The following POTEB variants were observed in gnomAD, a reference collection of about 807,000 sequenced individuals.
The protein encoded by POTEB is ANKRD26-like family B, member 1.
intron 10 of POTEB, among the ~76,000 whole-genome samples, chr15:21,847,158 G>A (rs1469770915): frequency 0.094 from 11,912 of 127,018 alleles, 126 homozygotes; most frequent in African/African-American, 0.14. Context: ...TTAAGATCAC[G>A]ATTCTTAAAA....
chr15:21,862,340 T>G, intron 6 of POTEB: 1 of 28,782 alleles, frequency 3.5e-5, no homozygotes, highest in African/African-American at 6.1e-5. Flanking sequence ...GGCCAACACA[T>G]TAAAATGAGT....
chr15:21,854,402 G>A lies in POTEB; in HGVS notation c.1298+2390C>T, dbSNP rs1302177018. Among the ~76,000 whole-genome samples, 7 of 149,442 alleles carry A rather than the reference G, an allele frequency of 4.7e-5. No homozygotes were observed. The East Asian group carries it at 9.8e-4, about 21-fold the overall frequency. ...AAGGCAGGAGGAAAAGCCTGAGGGA[G>A]TGAGGTCCTGAAAGCCAAGTGAAGA... On this transcript the variant is annotated intron_variant, in intron 9 of 10. Transcript: ENST00000439682.
intron 3 of POTEB, among the ~76,000 whole-genome samples, chr15:21,871,404 C>A (rs1263303316): frequency 0.12 from 2,335 of 19,204 alleles, 871 homozygotes; most frequent in Non-Finnish European, 0.18. Context: ...CACACACACA[C>A]AAACAAAAAC....
chr15:21,847,136 CACTCA>C (rs1889696909), intron 10 of POTEB, among the ~76,000 whole-genome samples: 1 of 140,478 alleles, frequency 7.1e-6, no homozygotes, highest in South Asian at 2.4e-4. Flanking sequence ...CTACATACAA[CACTCA>C]ACTCATTTAA....
intron 9 of POTEB, among the ~76,000 whole-genome samples, chr15:21,855,165 C>A (rs1343344172): frequency 6.7e-6 from 1 of 148,336 alleles, no homozygotes; most frequent in Non-Finnish European, 1.5e-5. Context: ...CAAAATATAT[C>A]TTTTTCTCAA....
At chr15:21,852,400 C>CAAAAT (rs1167162819) in intron 9 of POTEB, among the ~76,000 whole-genome samples, 1 of 272 alleles carries the variant, frequency 3.7e-3, no homozygotes, top group Non-Finnish European at 7.7e-3. Flanking sequence ...GACTCCATCT[C>CAAAAT]AAAATAAAAT....
chr15:21,850,827 TTATATATATATATATATATATATA>T (rs1214256895), intron 9 of POTEB, among the ~76,000 whole-genome samples: 2 of 230 alleles, frequency 8.7e-3, no homozygotes, highest in Non-Finnish European at 0.029. Context: ...ATAAAGAAAA[TTATATATATATATATATATATATA>T]TATATATATA....
chr15:21,854,601 G>A (rs550144637), intron 9 of POTEB, among the ~76,000 whole-genome samples: 1 of 150,256 alleles, frequency 6.7e-6, no homozygotes, highest in Non-Finnish European at 1.5e-5. Flanking sequence ...GAGATCAAGA[G>A]TGAATGAAAA....
chr15:21,868,571 T>A lies in POTEB; in HGVS notation c.806+501A>T, dbSNP rs1473552403. Among the ~76,000 whole-genome samples, 3 of 54,076 alleles carry A rather than the reference T, an allele frequency of 5.5e-5. No individual in the cohort carries two copies. The East Asian group carries it at 1.2e-3, about 22-fold the overall frequency. 35.5% of individuals were successfully genotyped at this position (54,076 alleles called of 152,430 possible). ...ACCCACAGTATGTGGGAATAGCAAT[T>A]AATTGTCATGTAGGGATAAGCTAAC... On this transcript the variant is annotated intron_variant, in intron 4 of 10. Transcript: ENST00000439682.
chr15:21,871,364 A>AACACACACCC (rs1555370373), intron 3 of POTEB, among the ~76,000 whole-genome samples: 7 of 12,110 alleles, frequency 5.8e-4, no homozygotes, highest in Admixed American at 1.8e-3. Context: ...CAACAATAAC[A>AACACACACCC]ACACACACAC....
At chr15:21,859,085 CA>C (rs1202372556) in intron 7 of POTEB, among the ~76,000 whole-genome samples, 1 of 37,458 alleles carries the variant, frequency 2.7e-5, no homozygotes, top group African/African-American at 1.4e-4. Flanking sequence ...AATAAAAGAA[CA>C]AACAAAGGTC....
Position 21,871,371 on chromosome 15 carries a change from A to ACC in POTEB, c.699+635_699+636insGG, listed in dbSNP as rs1251578984. Among the ~76,000 whole-genome samples the ACC allele has an allele frequency of 6.9e-3, 127 of 18,276 alleles. 33 individuals carry two copies. Among genetic ancestry groups the ACC allele is most frequent in the African/African-American group, 0.014 (118 of 8,442 alleles). 12.0% of individuals were successfully genotyped at this position (18,276 alleles called of 152,430 possible). ...TGAATGAACAACAATAACAACACACACACACACACACACACACACACACAC... is the reference window on the plus strand; with the variant it reads ...TGAATGAACAACAATAACAACACACACCCACACACACACACACACACACACAC... On this transcript the variant is annotated intron_variant, in intron 3 of 10. Coordinates refer to ENST00000439682, the MANE Select transcript of POTEB (RefSeq NM_001277304.2).
At chr15:21,855,229 T>A (rs1280822517) in intron 9 of POTEB, among the ~76,000 whole-genome samples, 1 of 148,358 alleles carries the variant, frequency 6.7e-6, no homozygotes, top group Non-Finnish European at 1.5e-5. Context: ...TGTTACTGCA[T>A]TAGCAGCACC....
chr15:21,871,404 C>CACAAACAA (rs1378742867), intron 3 of POTEB, among the ~76,000 whole-genome samples: 1,543 of 19,200 alleles, frequency 0.08, 290 homozygotes, highest in African/African-American at 0.19. Context: ...CACACACACA[C>CACAAACAA]AAACAAAAAC....
At position 21,853,283 on chromosome 15, in the gene POTEB, G is replaced by GA. The variant is rs1231900017; in HGVS notation, c.1298+3508dup. Reference sequence around the variant, plus strand: ...AGAGAAAGCTAGGAGGATAACTGGGGAAAAATCATTCCCGACACAGGGAAC... The same window carrying GA: ...AGAGAAAGCTAGGAGGATAACTGGGGAAAAAATCATTCCCGACACAGGGAAC... On this transcript the variant is annotated intron_variant, in intron 9 of 10. Coordinates refer to ENST00000439682, the MANE Select transcript of POTEB (RefSeq NM_001277304.2). Among the ~76,000 whole-genome samples, 4 of 11,574 alleles carry GA rather than the reference G, an allele frequency of 3.5e-4. 2 individuals are homozygous for GA. Among genetic ancestry groups the GA allele is most frequent in the African/African-American group, 3.7e-4 (4 of 10,854 alleles). The allele number at this position is 11,574 out of a possible 152,430, so 7.6% of individuals were successfully genotyped here.
chr15:21,855,132 G>A (rs1260971851), intron 9 of POTEB, among the ~76,000 whole-genome samples: 1 of 148,406 alleles, frequency 6.7e-6, no homozygotes, highest in African/African-American at 2.4e-5. Context: ...AGTCACTGTG[G>A]AAAAATATGG....
At chr15:21,851,578 CA>C (rs1298696780) in intron 9 of POTEB, among the ~76,000 whole-genome samples, 1 of 130,030 alleles carries the variant, frequency 7.7e-6, no homozygotes, top group African/African-American at 2.7e-5. Context: ...ATACCAAAAA[CA>C]GAAAGAAAAT....
intron 3 of POTEB, among the ~76,000 whole-genome samples, chr15:21,871,404 C>CACAAACAAAAACAA (rs1378742867): frequency 6.2e-4 from 12 of 19,264 alleles, no homozygotes; most frequent in African/African-American, 1.5e-3. Context: ...CACACACACA[C>CACAAACAAAAACAA]AAACAAAAAC....
chr15:21,871,738 G>GAA (rs372481275), intron 3 of POTEB, among the ~76,000 whole-genome samples: 1 of 11,372 alleles, frequency 8.8e-5, no homozygotes, highest in African/African-American at 1.8e-4. Flanking sequence ...GGGAAAAATT[G>GAA]AAAAAAAAAA....
Sources: gnomAD v4.1 joint callset for allele counts (sites outside exome capture counted in the v4.1 genomes callset) on GRCh38, gnomAD v4.1.1 for gene constraint, MANE v1.5 for transcripts, NCBI Gene and HGNC (gene_info 2026-07-23, HGNC 2026-07-21) for gene names.